TULP3: variants seen among roughly 807,000 people sequenced by gnomAD.
TULP3 encodes TUB like protein 3.
In TULP3, 38 loss-of-function variants were observed where a neutral mutation model predicts 50.7. That is an observed-to-expected ratio of 0.75 (90% CI 0.58 to 0.98). TULP3 has a LOEUF of 0.98. TULP3 is among the 50% of genes least tolerant of loss of function. The pLI, the probability that TULP3 is intolerant of heterozygous loss-of-function variation, is 0.00. For missense variants in TULP3, 550 were observed against 568.0 expected (o/e 0.97, Z 0.32); for synonymous variants, 183 against 196.6 (o/e 0.93, Z 0.58).
At chr12:2,893,810 A>AT (rs1414162875) in intron 1 of TULP3, among the ~76,000 whole-genome samples, 1 of 144,156 alleles carries the variant, frequency 6.9e-6, no homozygotes, top group South Asian at 2.2e-4. Context: ...TATTTTTTTT[A>AT]ATTTTTATTT....
chr12:2,890,990 T>C lies in TULP3; in HGVS notation c.41+2T>C. On this transcript the variant is annotated splice_donor_variant, in intron 1 of 10. Coordinates refer to ENST00000448120, the MANE Select transcript of TULP3 (RefSeq NM_003324.5). LOFTEE classifies it high-confidence loss of function. ...CCGGCTCAGTCCCAGCGGCGACAGG[T>C]CAGACAGGGCCGTGGCAGGTCTCCT... 2 of 1,588,336 alleles carry C rather than the reference T, an allele frequency of 1.3e-6. No homozygotes were observed. Among genetic ancestry groups the C allele is most frequent in the Non-Finnish European group, 1.7e-6 (2 of 1,168,366 alleles).
At position 2,933,402 on chromosome 12, in the gene TULP3, C is replaced by G; in HGVS notation, c.697-16C>G. ...CTCTGGACTTCATTTTTGACTGACA[C>G]TTTTTCTTTTCCCAGATATTTCTTC... On this transcript the variant is annotated splice_polypyrimidine_tract_variant and intron_variant, in intron 6 of 10. Transcript: ENST00000448120. 1 of 1,580,212 alleles carries G rather than the reference C, an allele frequency of 6.3e-7. No homozygotes were observed. The highest frequency in any genetic ancestry group is 8.7e-7 in the Non-Finnish European group (1 of 1,149,524).
At chr12:2,926,618 T>C (rs2098194828) in intron 4 of TULP3, among the ~76,000 whole-genome samples, 1 of 151,930 alleles carries the variant, frequency 6.6e-6, no homozygotes, top group Non-Finnish European at 1.5e-5. Flanking sequence ...AAGTAAACAA[T>C]AGGCCAGGCA....
At chr12:2,909,988 C>G (rs912832708) in intron 2 of TULP3, among the ~76,000 whole-genome samples, 1 of 152,198 alleles carries the variant, frequency 6.6e-6, no homozygotes, top group Admixed American at 6.5e-5. Context: ...TGCTGCCGTG[C>G]TGCTTTCAAA....
intron 7 of TULP3, 121 bp downstream of exon 7, chr12:2,933,651 A>G (rs2153950374): frequency 1.8e-6 from 1 of 552,164 alleles, no homozygotes; most frequent in South Asian, 3.5e-5. Flanking sequence ...AAAAAAAAAG[A>G]AAAAGGAAAA....
chr12:2,923,852 C>T (rs1323276464), intron 4 of TULP3, among the ~76,000 whole-genome samples: 1 of 149,750 alleles, frequency 6.7e-6, no homozygotes, highest in Non-Finnish European at 1.5e-5. Context: ...CAGTGGCGCA[C>T]ACCTGTAGTC....
chr12:2,917,112 G>A (rs1230368259), intron 2 of TULP3, among the ~76,000 whole-genome samples: 1 of 152,112 alleles, frequency 6.6e-6, no homozygotes, highest in East Asian at 1.9e-4. Context: ...AGAACCCCAA[G>A]TTATTAATTT....
At chr12:2,921,227 C>T (rs1401880681) in intron 3 of TULP3, among the ~76,000 whole-genome samples, 2 of 152,180 alleles carry the variant, frequency 1.3e-5, no homozygotes, top group African/African-American at 4.8e-5. Flanking sequence ...CCAACCTCCT[C>T]CTCCCAGGTT....
intron 4 of TULP3, among the ~76,000 whole-genome samples, chr12:2,924,190 C>CT (rs2098193407): frequency 6.6e-6 from 1 of 152,140 alleles, no homozygotes; most frequent in South Asian, 2.1e-4. Flanking sequence ...CACTTGGACA[C>CT]TTTCCCAGAG....
chr12:2,940,278 G>C lies in TULP3; in HGVS notation c.*834G>C. On this transcript the variant is annotated 3_prime_UTR_variant, in exon 11 of 11. Coordinates refer to ENST00000448120, the MANE Select transcript of TULP3 (RefSeq NM_003324.5). ...TGTAGGCATCCTGTGCAAACACTTT[G>C]TCATTATCAAGAGAGATGGCAGTAT... 6 of 1,409,692 alleles carry C rather than the reference G, an allele frequency of 4.3e-6. No individual in the cohort carries two copies. Among genetic ancestry groups the C allele is most frequent in the Non-Finnish European group, 5.6e-6 (6 of 1,070,002 alleles). The allele number at this position is 1,409,692 out of a possible 1,614,324, so 87.3% of individuals were successfully genotyped here. A position where few individuals can be genotyped will look rare whatever the true frequency, so the allele number is the denominator to read the frequency against.
chr12:2,906,117 G>A (rs182188366), intron 1 of TULP3, among the ~76,000 whole-genome samples: 5 of 148,586 alleles, frequency 3.4e-5, no homozygotes, highest in South Asian at 4.4e-4. Flanking sequence ...TGCAACCTCC[G>A]CCTCCCAGGT....
chr12:2,902,139 G>A (rs984364029), intron 1 of TULP3, among the ~76,000 whole-genome samples: 2 of 152,106 alleles, frequency 1.3e-5, no homozygotes, highest in Non-Finnish European at 2.9e-5. Context: ...GCTTCATGCA[G>A]CAGCTGATTA....
intron 8 of TULP3, among the ~76,000 whole-genome samples, chr12:2,935,569 A>C (rs2098200587): frequency 6.6e-6 from 1 of 152,176 alleles, no homozygotes; most frequent in African/African-American, 2.4e-5. Flanking sequence ...CCAAAGTCTC[A>C]ACTTTCTTAA....
intron 3 of TULP3, among the ~76,000 whole-genome samples, chr12:2,921,841 T>C (rs775895478): frequency 2.6e-5 from 4 of 152,164 alleles, no homozygotes; most frequent in Non-Finnish European, 5.9e-5. Flanking sequence ...CCCAGCACTT[T>C]GGGAGGCCAG....
intron 1 of TULP3, among the ~76,000 whole-genome samples, chr12:2,893,388 G>T (rs2098173457): frequency 6.8e-6 from 1 of 147,086 alleles, no homozygotes; most frequent in Non-Finnish European, 1.5e-5. Context: ...GAGTGCAGTG[G>T]CGCCATCTTG....
At position 2,900,622 on chromosome 12, in the gene TULP3, C is replaced by A. The variant is rs138420468; in HGVS notation, c.42-8907C>A. Reference sequence around the variant, plus strand: ...TAATACTTTTTTTTTTAACACCCTACCTTTGAGGTAACTATTGTTAATAGT... The same window carrying A: ...TAATACTTTTTTTTTTAACACCCTAACTTTGAGGTAACTATTGTTAATAGT... On this transcript the variant is annotated intron_variant, in intron 1 of 10. Coordinates refer to ENST00000448120, the MANE Select transcript of TULP3 (RefSeq NM_003324.5). Among the ~76,000 whole-genome samples, 841 of 151,374 alleles carry A rather than the reference C, an allele frequency of 5.6e-3. 13 individuals carry two copies. The highest frequency in any genetic ancestry group is 4.9e-3 in the Non-Finnish European group (336 of 67,902).
intron 1 of TULP3, among the ~76,000 whole-genome samples, chr12:2,904,181 T>A (rs2098180919): frequency 6.6e-6 from 1 of 152,222 alleles, no homozygotes; most frequent in South Asian, 2.1e-4. Flanking sequence ...ATTTGAATTT[T>A]GTCAGTTTTC....
At chr12:2,913,310 C>A (rs945978927) in intron 2 of TULP3, among the ~76,000 whole-genome samples, 30 of 151,412 alleles carry the variant, frequency 2.0e-4, no homozygotes, top group African/African-American at 6.3e-4. Context: ...TGCAGTGATA[C>A]GGTCATAGCT....
chr12:2,894,300 CGG>C (rs376841586), intron 1 of TULP3, among the ~76,000 whole-genome samples: 53 of 74,836 alleles, frequency 7.1e-4, no homozygotes, highest in East Asian at 2.0e-3. Flanking sequence ...GGGGGCGGGG[CGG>C]GGGGGGGGAA....
Sources: allele counts gnomAD v4.1 joint callset (sites outside exome capture counted in the v4.1 genomes callset), GRCh38; gene constraint gnomAD v4.1.1; transcripts MANE v1.5; gene names NCBI Gene and HGNC (gene_info 2026-07-23, HGNC 2026-07-21).